The following NDUFA8 variants were observed in gnomAD, a reference collection of about 807,000 sequenced individuals.
NDUFA8 encodes NADH dehydrogenase [ubiquinone] 1 alpha subcomplex subunit 8.
Under a neutral mutation model 20.9 loss-of-function variants are expected in NDUFA8, and 16 were observed. That is an observed-to-expected ratio of 0.77 (90% CI 0.52 to 1.16). NDUFA8 has a LOEUF of 1.16. Ranked by LOEUF, NDUFA8 falls within the 50% of genes most tolerant of loss-of-function variation. The probability of loss-of-function intolerance (pLI) is 0.00; values close to 1 mark genes in which losing one functional copy is unlikely to be tolerated. For missense variants in NDUFA8, 202 were observed against 216.4 expected, an observed-to-expected ratio of 0.93 and a Z score of 0.42; for synonymous variants, 70 against 76.1, an observed-to-expected ratio of 0.92 and a Z score of 0.41.
At chr9:122,158,284 C>G (rs984743396) in intron 1 of NDUFA8, among the ~76,000 whole-genome samples, 1 of 152,190 alleles carries the variant, frequency 6.6e-6, no homozygotes, top group Non-Finnish European at 1.5e-5. Context: ...TGACACTCCT[C>G]TGCCTTAAAA....
the NDUFA8 span, among the ~76,000 whole-genome samples, chr9:122,137,592 T>C: frequency 1.3e-5 from 2 of 152,218 alleles, no homozygotes; most frequent in Non-Finnish European, 2.9e-5. Context: ...ATCTCTTCCA[T>C]ATCTTGTCCT....
downstream of NDUFA8, among the ~76,000 whole-genome samples, chr9:122,141,551 AC>A (rs1828821572): frequency 6.6e-6 from 1 of 152,220 alleles, no homozygotes; most frequent in African/African-American, 2.4e-5. Context: ...GGATGGAGAC[AC>A]CATTAACTCA....
Position 122,159,710 on chromosome 9 carries a change from C to T in NDUFA8, c.-33G>A. The T allele has an allele frequency of 6.2e-7, 1 of 1,614,024 alleles. No individual in the cohort carries two copies. The highest frequency in any genetic ancestry group is 1.7e-5 in the Admixed American group (1 of 60,036). ...GCAGCCCCGACCCCGACGAGAAGCCCTCAGCCGCGTCGCCCCCGTCTCCTT... is the reference window on the plus strand; with the variant it reads ...GCAGCCCCGACCCCGACGAGAAGCCTTCAGCCGCGTCGCCCCCGTCTCCTT... On this transcript the variant is annotated 5_prime_UTR_variant, in exon 1 of 4. Transcript: ENST00000373768.
chr9:122,144,444 T>G, intron 3 of NDUFA8, 66 bp from the exon 4 acceptor site: 1 of 1,499,424 alleles, frequency 6.7e-7, no homozygotes, highest in Non-Finnish European at 9.3e-7. Context: ...TAACCATCAA[T>G]GCGCCTCCTG....
intron 1 of NDUFA8, among the ~76,000 whole-genome samples, chr9:122,152,771 A>G (rs1006455792): frequency 6.6e-6 from 1 of 152,126 alleles, no homozygotes; most frequent in African/African-American, 2.4e-5. Flanking sequence ...TTTCACATAT[A>G]TTATTTTCTT....
chr9:122,159,657 C>T lies in NDUFA8; in HGVS notation c.21G>A (p.Leu7=), dbSNP rs1435614433. 1 of 1,614,040 alleles carries T rather than the reference C, an allele frequency of 6.2e-7. No individual in the cohort carries two copies. Residue 7 remains leucine, a synonymous_variant, in exon 1 of 4, where the codon CTG becomes CTA. Transcript: ENST00000373768. MPGIVE[L]PTLEELKVDE... ...CTACTTTCAGCTCCTCTAGAGTGGG[C>T]AGCTCCACTATCCCCGGCATGACGG... is the stretch of plus-strand genomic sequence containing the variant.
chr9:122,157,239 A>G (rs1160708435), intron 1 of NDUFA8, among the ~76,000 whole-genome samples: 1 of 152,190 alleles, frequency 6.6e-6, no homozygotes, highest in Non-Finnish European at 1.5e-5. Context: ...ATCTCCGCCC[A>G]TAAATGCCAT....
downstream of NDUFA8, among the ~76,000 whole-genome samples, chr9:122,139,770 T>C (rs1828795512): frequency 6.6e-6 from 1 of 152,202 alleles, no homozygotes; most frequent in Admixed American, 6.5e-5. Flanking sequence ...CTCAGCTCAA[T>C]GCAACCTCCA....
the NDUFA8 span, among the ~76,000 whole-genome samples, chr9:122,138,509 C>T: frequency 0.5 from 75,362 of 151,894 alleles, 19,812 homozygotes; most frequent in Middle Eastern, 0.64. Flanking sequence ...GGTAAAATCC[C>T]GGGCCTCGTT....
At chr9:122,153,408 G>A (rs1413039855) in intron 1 of NDUFA8, among the ~76,000 whole-genome samples, 1 of 151,916 alleles carries the variant, frequency 6.6e-6, no homozygotes, top group Non-Finnish European at 1.5e-5. Context: ...TCTAGTAATA[G>A]TCCATCTAGT....
chr9:122,157,397 G>T (rs1035269735), intron 1 of NDUFA8, among the ~76,000 whole-genome samples: 1 of 152,200 alleles, frequency 6.6e-6, no homozygotes, highest in East Asian at 1.9e-4. Flanking sequence ...TAATCAAGGT[G>T]ACCGGCAGGT....
At chr9:122,145,943 G>C (rs1588291073) in intron 3 of NDUFA8, among the ~76,000 whole-genome samples, 1 of 151,984 alleles carries the variant, frequency 6.6e-6, no homozygotes, top group African/African-American at 2.4e-5. Context: ...TGAGGTCAGA[G>C]TTCAAGACCA....
intron 1 of NDUFA8, among the ~76,000 whole-genome samples, chr9:122,152,629 T>C (rs1347151548): frequency 6.6e-6 from 1 of 151,704 alleles, no homozygotes; most frequent in Non-Finnish European, 1.5e-5. Flanking sequence ...GATCTCGGCT[T>C]ACTGCAACTT....
downstream of NDUFA8, among the ~76,000 whole-genome samples, chr9:122,142,375 A>G (rs557954991): frequency 1.3e-5 from 2 of 152,294 alleles, no homozygotes; most frequent in Admixed American, 6.5e-5. Context: ...TTGGCTTCAC[A>G]TCGGAATAGG....
chr9:122,152,320 C>A lies in NDUFA8; in HGVS notation c.140G>T (p.Arg47Leu). The change falls in exon 2 of 4, where the codon CGC (arginine) becomes CTC (leucine). Residue 47 changes from arginine (R) to leucine (L), a missense_variant. Arg to Leu is a moderately radical substitution (Grantham distance 102, BLOSUM62 -2). Transcript: ENST00000373768. ...DKPNKEFMLCRWEEKDPRRCL... is the reference protein window; with the variant it reads ...DKPNKEFMLCLWEEKDPRRCL... ...CCGCCTCGGATCTTTCTCTTCCCAG[C>A]GGCAGAGCATAAACTCCTTGTTGGG... 1.9e-6 allele frequency: 3 copies of A among 1,614,108 alleles called. No individual in the cohort carries two copies. The highest frequency in any genetic ancestry group is 1.3e-5 in the African/African-American group (1 of 75,010).
At chr9:122,134,874 C>T in the NDUFA8 span, among the ~76,000 whole-genome samples, 1 of 152,206 alleles carries the variant, frequency 6.6e-6, no homozygotes, top group African/African-American at 2.4e-5. Context: ...GGCAATGGGT[C>T]AGAGCCCTCA....
chr9:122,135,021 C>A, the NDUFA8 span, among the ~76,000 whole-genome samples: 1 of 152,214 alleles, frequency 6.6e-6, no homozygotes, highest in South Asian at 2.1e-4. Context: ...GAAACACGGT[C>A]TTTTCATTAA....
At chr9:122,148,330 G>C (rs1376058136) in intron 2 of NDUFA8, 53 bp from the exon 3 acceptor site, 3 of 1,594,024 alleles carry the variant, frequency 1.9e-6, no homozygotes, top group Admixed American at 1.7e-5. Context: ...ATGAAAAACA[G>C]AAAAGTGAGA....
downstream of NDUFA8, among the ~76,000 whole-genome samples, chr9:122,143,240 CAA>C (rs1276398235): frequency 6.6e-6 from 1 of 152,082 alleles, no homozygotes; most frequent in East Asian, 1.9e-4. Context: ...TAGAGTGCCG[CAA>C]AGAGGTAACC....
Sources: gnomAD v4.1 joint callset for allele counts (sites outside exome capture counted in the v4.1 genomes callset) on GRCh38, gnomAD v4.1.1 for gene constraint, MANE v1.5 for transcripts, NCBI Gene and HGNC (gene_info 2026-07-23, HGNC 2026-07-21) for gene names.